CADPS: variants seen among roughly 807,000 people sequenced by gnomAD.
CADPS encodes calcium-dependent secretion activator 1.
A neutral mutation model predicts 167.3 loss-of-function variants in CADPS; 57 were observed. The observed-to-expected ratio is 0.34, with a 90% CI of 0.28 to 0.42. CADPS has a LOEUF of 0.42. Among genes scored for constraint, CADPS ranks in the 20% least tolerant of loss-of-function variants. CADPS has a pLI of 1.00. For missense variants in CADPS, 1,414 were observed against 1,738.1 expected (o/e 0.81, Z 3.32); for synonymous variants, 676 against 635.3 (o/e 1.06, Z -0.96).
intron 3 of CADPS, among the ~76,000 whole-genome samples, chr3:62,723,096 G>T (rs180945164): frequency 3.2e-4 from 48 of 152,310 alleles, no homozygotes; most frequent in African/African-American, 1.2e-3. Context: ...CCATCAGAAA[G>T]CTCCCAGTTT....
Position 62,493,521 on chromosome 3 carries a change from A to C in CADPS, c.2727+124T>G. ...GATTATGGAAAAATTCCATAAATGA[A>C]AGGGTTTGTTCAATGGCCAAGCTCT... On this transcript the variant is annotated intron_variant, in intron 19 of 29. Coordinates refer to ENST00000383710, the MANE Select transcript of CADPS (RefSeq NM_003716.4). 5 of 639,138 alleles carry C rather than the reference A, an allele frequency of 7.8e-6. No individual in the cohort carries two copies. In the East Asian group the frequency reaches 1.5e-4, roughly 20 times the overall value. 39.6% of individuals were successfully genotyped at this position (639,138 alleles called of 1,614,324 possible).
chr3:62,698,451 T>C (rs993150146), intron 3 of CADPS, among the ~76,000 whole-genome samples: 1 of 152,088 alleles, frequency 6.6e-6, no homozygotes, highest in African/African-American at 2.4e-5. Flanking sequence ...GGCAACACTT[T>C]ACACTTAGTT....
At chr3:62,720,216 A>G (rs1451511342) in intron 3 of CADPS, among the ~76,000 whole-genome samples, 2 of 152,160 alleles carry the variant, frequency 1.3e-5, no homozygotes, top group Non-Finnish European at 2.9e-5. Flanking sequence ...AATCATAAAA[A>G]CTTGTTGAAA....
At chr3:62,424,762 ACAAAAAATCAACTGACAATTG>A (rs1244244969) in intron 28 of CADPS, among the ~76,000 whole-genome samples, 1 of 152,252 alleles carries the variant, frequency 6.6e-6, no homozygotes, top group Non-Finnish European at 1.5e-5. Context: ...TTCAAGGCTT[ACAAAAAATCAACTGACAATTG>A]CAAAAATCCA....
chr3:62,472,203 G>A (rs1296324524), intron 24 of CADPS, among the ~76,000 whole-genome samples: 1 of 152,194 alleles, frequency 6.6e-6, no homozygotes, highest in Non-Finnish European at 1.5e-5. Context: ...CTGTGAAGAA[G>A]GGAGGGGTGT....
rs186587193 is a variant in CADPS, at chr3:62,473,089, G to A, written c.3477+1084C>T. On this transcript the variant is annotated intron_variant, in intron 24 of 29. Transcript: ENST00000383710. Reference sequence around the variant, plus strand: ...CGTACACTGAAACATGAGAACCACTGCCCCAGATCATTCATATGAGCACAC... The same window carrying A: ...CGTACACTGAAACATGAGAACCACTACCCCAGATCATTCATATGAGCACAC... Among the ~76,000 whole-genome samples, 696 of 152,254 alleles carry A rather than the reference G, an allele frequency of 4.6e-3. 9 individuals carry two copies. The highest frequency in any genetic ancestry group is 0.016 in the African/African-American group (661 of 41,548).
chr3:62,792,550 T>C lies in CADPS; in HGVS notation c.442-26566A>G, dbSNP rs142638728. Among the ~76,000 whole-genome samples, 222 of 152,212 alleles carry C rather than the reference T, an allele frequency of 1.5e-3. 4 individuals carry two copies. The East Asian group carries it at 0.041, about 28-fold the overall frequency. On this transcript the variant is annotated intron_variant, in intron 1 of 29. Transcript: ENST00000383710. Reference sequence around the variant, plus strand: ...TGTCCTCTGCCACAGGATCTTGGTATATTTTCTGAATGAAAGCTCGCATTA... The same window carrying C: ...TGTCCTCTGCCACAGGATCTTGGTACATTTTCTGAATGAAAGCTCGCATTA...
chr3:62,721,338 G>T (rs1189709372), intron 3 of CADPS, among the ~76,000 whole-genome samples: 2 of 151,942 alleles, frequency 1.3e-5, no homozygotes, highest in East Asian at 3.9e-4. Flanking sequence ...CACCAGGGGG[G>T]CATTTTAGCC....
chr3:62,560,048 G>T (rs1320377383), intron 9 of CADPS, among the ~76,000 whole-genome samples: 1 of 150,904 alleles, frequency 6.6e-6, no homozygotes, highest in African/African-American at 2.4e-5. Flanking sequence ...CCCTCTTCTG[G>T]TTATATTGCT....
At chr3:62,737,970 G>C (rs472592) in intron 3 of CADPS, among the ~76,000 whole-genome samples, 48,778 of 150,442 alleles carry the variant, frequency 0.32, 8,523 homozygotes, top group African/African-American at 0.47. Context: ...TTTTTTTCTT[G>C]TTTTGCCCAT....
At chr3:62,599,788 A>ATTGTATATATT (rs1562713486) in intron 6 of CADPS, among the ~76,000 whole-genome samples, 1 of 5,096 alleles carries the variant, frequency 2.0e-4, no homozygotes, top group Non-Finnish European at 4.8e-4. Context: ...TATTATATAT[A>ATTGTATATATT]ATATATATAA....
chr3:62,594,173 A>ATTTATTTT (rs2086744606), intron 6 of CADPS, among the ~76,000 whole-genome samples: 1 of 146,286 alleles, frequency 6.8e-6, no homozygotes, highest in Non-Finnish European at 1.5e-5. Context: ...TTATTTATTT[A>ATTTATTTT]TTTTTTGAGA....
rs2061640211 is a variant in CADPS at position 62,478,980 on chromosome 3, C to T, written c.3174-564G>A. 1.3e-5 allele frequency among the ~76,000 whole-genome samples: 2 copies of T among 152,210 alleles called. No homozygotes were observed. The highest frequency in any genetic ancestry group is 1.3e-4 in the Admixed American group (2 of 15,284). ...AGGGTGACTCAGATCAAGAGGGGTA[C>T]ACCTGGATACCTTGATTCCAAAATT... On this transcript the variant is annotated intron_variant, in intron 22 of 29. Coordinates refer to ENST00000383710, the MANE Select transcript of CADPS (RefSeq NM_003716.4). The surrounding 1 kb of genome is among the most constrained non-coding windows in gnomAD (Gnocchi z 5.7).
chr3:62,516,165 A>T lies in CADPS; in HGVS notation c.2475T>A (p.Ile825=), dbSNP rs756110830. Residue 825 remains isoleucine, a synonymous_variant, in exon 16 of 30, where the codon ATT becomes ATA. Transcript: ENST00000383710. ...CCTCCTCTTGTGGCACTGGGGTAAC[A>T]ATATCTTTCATCAAAACCTTCAAGT... ...SLLERVLMKD[I]VTPVPQEEVK... is the part of the protein sequence containing the mutation. 1.9e-6 allele frequency: 3 copies of T among 1,613,184 alleles called. No individual in the cohort carries two copies. Among genetic ancestry groups the T allele is most frequent in the Non-Finnish European group, 2.5e-6 (3 of 1,179,336 alleles).
chr3:62,667,803 G>C (rs1242553593), intron 3 of CADPS, among the ~76,000 whole-genome samples: 1 of 151,880 alleles, frequency 6.6e-6, no homozygotes, highest in African/African-American at 2.4e-5. Flanking sequence ...TGGGGGTGGG[G>C]GGAGACAGGG....
chr3:62,837,057 T>C (rs922802479), intron 1 of CADPS, among the ~76,000 whole-genome samples: 1 of 152,182 alleles, frequency 6.6e-6, no homozygotes, highest in Non-Finnish European at 1.5e-5. Context: ...CTGAAAGACA[T>C]TAAAGCTCCT....
At chr3:62,642,311 C>T (rs1402959101) in intron 6 of CADPS, among the ~76,000 whole-genome samples, 1 of 151,944 alleles carries the variant, frequency 6.6e-6, no homozygotes, top group African/African-American at 2.4e-5. Context: ...TAGTCAAAGA[C>T]AAGATTCAGA....
intron 3 of CADPS, among the ~76,000 whole-genome samples, chr3:62,699,005 T>A (rs989300043): frequency 3.3e-5 from 5 of 151,964 alleles, no homozygotes; most frequent in East Asian, 3.9e-4. Flanking sequence ...ACAGGTGGTG[T>A]TTGGTTACAT....
chr3:62,653,253 T>A (rs944326573), intron 4 of CADPS, among the ~76,000 whole-genome samples: 21 of 152,082 alleles, frequency 1.4e-4, no homozygotes, highest in African/African-American at 3.9e-4. Flanking sequence ...GATGATTAGA[T>A]CATGAGGGCC....
Sources: gnomAD v4.1 joint callset for allele counts (sites outside exome capture counted in the v4.1 genomes callset) on GRCh38, gnomAD v4.1.1 for gene constraint, Gnocchi (gnomAD v3.1) non-coding constraint, MANE v1.5 for transcripts, NCBI Gene and HGNC (gene_info 2026-07-23, HGNC 2026-07-21) for gene names.